SYT9: variants seen among roughly 807,000 people sequenced by gnomAD.
SYT9 encodes the protein synaptotagmin 9.
SYT9 carries 22 observed loss-of-function variants against 48.4 expected under a neutral mutation model. The ratio of observed to expected loss-of-function variants is 0.45; its 90% CI spans 0.32 to 0.65. The LOEUF is 0.65. Ranked by LOEUF, SYT9 falls within the 30% of genes least tolerant of loss-of-function variation. SYT9 has a pLI of 0.03. For synonymous variants in SYT9, 265 were observed against 245.0 expected, an observed-to-expected ratio of 1.08 and a Z score of -0.76; for missense variants, 577 against 622.0, an observed-to-expected ratio of 0.93 and a Z score of 0.77.
At chr11:7,385,367 T>C (rs10769785) in intron 3 of SYT9, among the ~76,000 whole-genome samples, 103,043 of 149,942 alleles carry the variant, frequency 0.69, 35,876 homozygotes, top group Non-Finnish European at 0.75. Flanking sequence ...TGTGTGTGTG[T>C]GTGCGTGTGT....
At chr11:7,434,779 G>A (rs116529120) in intron 6 of SYT9, among the ~76,000 whole-genome samples, 1,603 of 152,224 alleles carry the variant, frequency 0.011, 35 homozygotes, top group African/African-American at 0.036. Context: ...CCTAGCCTCC[G>A]TGGTGCCTAT....
chr11:7,337,399 A>G (rs7927914), intron 3 of SYT9, among the ~76,000 whole-genome samples: 40,029 of 151,810 alleles, frequency 0.26, 5,620 homozygotes, highest in Middle Eastern at 0.32. Flanking sequence ...TACCAATGCT[A>G]TGTTGAATAG....
At chr11:7,364,003 C>G (rs965874985) in intron 3 of SYT9, among the ~76,000 whole-genome samples, 1 of 152,086 alleles carries the variant, frequency 6.6e-6, no homozygotes, top group African/African-American at 2.4e-5. Context: ...GAGGGCCATG[C>G]TTTCAAGGAA....
chr11:7,443,610 G>A (rs747969430), intron 6 of SYT9, among the ~76,000 whole-genome samples: 6 of 152,252 alleles, frequency 3.9e-5, no homozygotes, highest in Non-Finnish European at 2.9e-5. Context: ...TTCACCTTCA[G>A]CATGCCCACT....
intron 1 of SYT9, among the ~76,000 whole-genome samples, chr11:7,245,685 C>T (rs1008274046): frequency 6.6e-6 from 1 of 152,186 alleles, no homozygotes; most frequent in Admixed American, 6.5e-5. Context: ...GGCCTTCTTA[C>T]TGTATCATCA....
chr11:7,431,787 G>A (rs1249132781), intron 6 of SYT9, among the ~76,000 whole-genome samples: 1 of 152,236 alleles, frequency 6.6e-6, no homozygotes, highest in Non-Finnish European at 1.5e-5. Context: ...CCATAAGCTT[G>A]GGCAGCTTCC....
chr11:7,308,272 C>T lies in SYT9; in HGVS notation c.497+4882C>T, dbSNP rs533135181. On this transcript the variant is annotated intron_variant, in intron 2 of 6. Coordinates refer to ENST00000318881, the MANE Select transcript of SYT9 (RefSeq NM_175733.4). The stretch of plus-strand genomic sequence containing the variant: ...GCTTCTCTCTTTTTTCTCCTTGGAT[C>T]CTGAAGCCTTGTAGACACTGGTGCC... Among the ~76,000 whole-genome samples the T allele has an allele frequency of 2.0e-5, 3 of 152,282 alleles. No homozygotes were observed. The East Asian group carries it at 5.8e-4, about 29-fold the overall frequency.
At chr11:7,265,823 G>A (rs573975234) in intron 1 of SYT9, among the ~76,000 whole-genome samples, 23 of 151,890 alleles carry the variant, frequency 1.5e-4, no homozygotes, top group Admixed American at 2.6e-4. Context: ...CTTCTTTATC[G>A]CTAGGCAAGT....
At chr11:7,262,332 G>T (rs1005847655) in intron 1 of SYT9, among the ~76,000 whole-genome samples, 3 of 152,104 alleles carry the variant, frequency 2.0e-5, no homozygotes, top group Non-Finnish European at 4.4e-5. Flanking sequence ...GCCCAGTGGG[G>T]ATACAGACTA....
chr11:7,251,759 C>T (rs899915648), upstream of SYT9, among the ~76,000 whole-genome samples: 17 of 152,174 alleles, frequency 1.1e-4, no homozygotes, highest in African/African-American at 3.9e-4. Flanking sequence ...AGGTCCCAAG[C>T]CAAGTCTCGC....
chr11:7,467,169 C>G lies in SYT9; in HGVS notation c.*369C>G, dbSNP rs949758181. The G allele has an allele frequency of 2.3e-5, 5 of 221,076 alleles. No individual in the cohort carries two copies. The highest frequency in any genetic ancestry group is 1.1e-4 in the African/African-American group (5 of 43,888). 13.7% of individuals were successfully genotyped at this position (221,076 alleles called of 1,614,324 possible). A position where few individuals can be genotyped will look rare whatever the true frequency, so the allele number is the denominator to read the frequency against. On this transcript the variant is annotated 3_prime_UTR_variant, in exon 7 of 7. Coordinates refer to ENST00000318881, the MANE Select transcript of SYT9 (RefSeq NM_175733.4). The stretch of plus-strand genomic sequence containing the variant: ...AGCATCTGCCCTGGAAATCGTTATT[C>G]CAACATAATATTATTTTCTAGAATG...
Position 7,252,147 on chromosome 11 carries a change from C to A in SYT9, c.-40C>A, listed in dbSNP as rs1353884867. On this transcript the variant is annotated 5_prime_UTR_variant, in exon 1 of 7. Transcript: ENST00000318881. This position sits in a 1 kb window ranked among gnomAD's most constrained non-coding sequence, Gnocchi z 6.3. Reference sequence around the variant, plus strand: ...CTGGCAGGCGGAGGGCTGTCTCCTGCGCCCGCCTGCCCGGCGCGGTCCGAG... The same window carrying A: ...CTGGCAGGCGGAGGGCTGTCTCCTGAGCCCGCCTGCCCGGCGCGGTCCGAG... 5 of 1,381,496 alleles carry A rather than the reference C, an allele frequency of 3.6e-6. No individual in the cohort carries two copies. The highest frequency in any genetic ancestry group is 3.7e-6 in the Non-Finnish European group (4 of 1,072,188). 85.6% of individuals were successfully genotyped at this position (1,381,496 alleles called of 1,614,324 possible).
intron 3 of SYT9, among the ~76,000 whole-genome samples, chr11:7,357,131 A>G (rs1850035929): frequency 6.6e-6 from 1 of 152,198 alleles, no homozygotes; most frequent in South Asian, 2.1e-4. Flanking sequence ...GAAGTTGTTC[A>G]AAGAGAATTT....
Position 7,454,136 on chromosome 11 carries a change from C to A in SYT9, c.1468-12656C>A. 4 of 985,436 alleles carry A rather than the reference C, an allele frequency of 4.1e-6. No individual in the cohort carries two copies. In the African/African-American group the frequency reaches 5.2e-5, roughly 13 times the overall value. 61.0% of individuals were successfully genotyped at this position (985,436 alleles called of 1,614,324 possible). A position where few individuals can be genotyped will look rare whatever the true frequency, so the allele number is the denominator to read the frequency against. On this transcript the variant is annotated intron_variant, in intron 6 of 6. Transcript: ENST00000318881. ...TTTTCTTTCCTTTCCTTGCTACCTA[C>A]CTGATTTCCAGCCCTTGATGAGAGT... is the stretch of plus-strand genomic sequence containing the variant.
At chr11:7,416,739 C>G (rs1220537880) in intron 4 of SYT9, among the ~76,000 whole-genome samples, 1 of 152,116 alleles carries the variant, frequency 6.6e-6, no homozygotes, top group Non-Finnish European at 1.5e-5. Flanking sequence ...CTTGGATTTT[C>G]CTATCTGTGA....
intron 5 of SYT9, 110 bp downstream of exon 5, chr11:7,418,238 A>G (rs1057169855): frequency 4.8e-6 from 6 of 1,256,750 alleles, no homozygotes; most frequent in Non-Finnish European, 5.5e-6. Context: ...GGCTGCAGGA[A>G]ATGAGTCAAC....
In SYT9 at chr11:7,418,036, G is replaced by A; in HGVS notation, c.1245G>A (p.Leu415=). 1 of 1,614,170 alleles carries A rather than the reference G, an allele frequency of 6.2e-7. No individual in the cohort carries two copies. The highest frequency in any genetic ancestry group is 8.5e-7 in the Non-Finnish European group (1 of 1,180,030). Reference sequence around the variant, plus strand: ...AAACATCCACCAAGAGGAACACCTTGAATCCTGTTTACAACGAAGCCATAG... The same window carrying A: ...AAACATCCACCAAGAGGAACACCTTAAATCCTGTTTACAACGAAGCCATAG... ...KRKTSTKRNT[L]NPVYNEAIVF... Residue 415 remains leucine (L), a synonymous_variant, in exon 5 of 7, where the codon TTG becomes TTA. Transcript: ENST00000318881.
Position 7,313,893 on chromosome 11 carries a change from T to G in SYT9, c.996T>G (p.Asp332Glu). 1 of 1,614,034 alleles carries G rather than the reference T, an allele frequency of 6.2e-7. No individual in the cohort carries two copies. Among genetic ancestry groups the G allele is most frequent in the Non-Finnish European group, 8.5e-7 (1 of 1,179,966 alleles). The part of the protein sequence containing the change: ...VVVDHFLDLA[D>E]FPRECILWKD... ...TGGATCACTTCCTAGACTTGGCTGATTTCCCCAGGGAGTGCATCCTTTGGA... is the reference window on the plus strand; with the variant it reads ...TGGATCACTTCCTAGACTTGGCTGAGTTCCCCAGGGAGTGCATCCTTTGGA... The change falls in exon 3 of 7, where the codon GAT becomes GAG. Residue 332 changes from aspartate (D) to glutamate (E), a missense_variant. Asp to Glu is a conservative substitution (Grantham distance 45, BLOSUM62 2). Coordinates refer to ENST00000318881, the MANE Select transcript of SYT9 (RefSeq NM_175733.4).
chr11:7,345,103 A>C (rs1307465525), intron 3 of SYT9, among the ~76,000 whole-genome samples: 1 of 152,140 alleles, frequency 6.6e-6, no homozygotes, highest in Non-Finnish European at 1.5e-5. Flanking sequence ...ACCTTCCCTC[A>C]GCAATATTTT....
Sources: gnomAD v4.1 joint callset for allele counts (sites outside exome capture counted in the v4.1 genomes callset) on GRCh38, gnomAD v4.1.1 for gene constraint, Gnocchi (gnomAD v3.1) non-coding constraint, MANE v1.5 for transcripts, NCBI Gene and HGNC (gene_info 2026-07-23, HGNC 2026-07-21) for gene names.